Variants in DCP2 observed in about 807,000 individuals in gnomAD.
DCP2 encodes m7GpppN-mRNA hydrolase.
Under a neutral mutation model 56.1 loss-of-function variants are expected in DCP2, and 30 were observed. That is an observed-to-expected ratio of 0.53 (90% confidence interval 0.40 to 0.73). The LOEUF (loss-of-function observed/expected upper bound fraction) is 0.73, where lower values mean the gene tolerates loss of function less well. Among genes scored for constraint, DCP2 ranks in the 30% least tolerant of loss-of-function variants. The probability of loss-of-function intolerance (pLI) is 0.00; values close to 1 mark genes in which losing one functional copy is unlikely to be tolerated. For missense variants in DCP2, 533 were observed against 502.7 expected (o/e 1.06, Z -0.58); for synonymous variants, 197 against 163.3 (o/e 1.21, Z -1.57).
At chr5:112,980,494 C>G (rs1747951530) in intron 1 of DCP2, among the ~76,000 whole-genome samples, 1 of 152,200 alleles carries the variant, frequency 6.6e-6, no homozygotes, top group Admixed American at 6.5e-5. Flanking sequence ...TCGTGTGATG[C>G]AGTTTTTTCC....
At chr5:112,998,896 T>C (rs987622169) in intron 4 of DCP2, among the ~76,000 whole-genome samples, 2 of 152,234 alleles carry the variant, frequency 1.3e-5, no homozygotes, top group Non-Finnish European at 2.9e-5. Context: ...GAATGTAACA[T>C]TGATATGGTG....
intron 9 of DCP2, among the ~76,000 whole-genome samples, chr5:113,010,550 T>C (rs1231287278): frequency 9.9e-5 from 15 of 152,124 alleles, no homozygotes; most frequent in Admixed American, 9.2e-4. Flanking sequence ...TGTATGTATG[T>C]AATCAAGAAC....
At chr5:112,988,669 G>A (rs1469883295) in intron 2 of DCP2, among the ~76,000 whole-genome samples, 1 of 152,142 alleles carries the variant, frequency 6.6e-6, no homozygotes, top group Non-Finnish European at 1.5e-5. Flanking sequence ...TAAATGTGTA[G>A]AAGTTAATGA....
intron 7 of DCP2, among the ~76,000 whole-genome samples, chr5:113,002,149 A>T (rs1324089738): frequency 6.6e-6 from 1 of 152,160 alleles, no homozygotes; most frequent in African/African-American, 2.4e-5. Context: ...CCAGCAAGGG[A>T]CAGTGGCTCA....
chr5:113,000,420 A>ACACACACACACACACCCCCC (rs112449298), intron 4 of DCP2, among the ~76,000 whole-genome samples: 1 of 146,652 alleles, frequency 6.8e-6, no homozygotes, highest in Non-Finnish European at 1.5e-5. Context: ...ACACACACAC[A>ACACACACACACACACCCCCC]CACACCCACA....
At position 112,992,735 on chromosome 5, in the gene DCP2, A is replaced by G. The variant is rs750876090; in HGVS notation, c.397A>G (p.Lys133Glu). 1 of 1,592,234 alleles carries G rather than the reference A, an allele frequency of 6.3e-7. No individual in the cohort carries two copies. The highest frequency in any genetic ancestry group is 8.5e-7 in the Non-Finnish European group (1 of 1,174,552). The change falls in exon 4 of 11, where the codon AAA (lysine) becomes GAA (glutamate). Residue 133 changes from lysine (K) to glutamate (E), a missense_variant. Coordinates refer to ENST00000389063, the MANE Select transcript of DCP2 (RefSeq NM_152624.6). ...GWGFPKGKVN[K>E]EEAPHDCAAR... ...GGGATTTCCAAAAGGAAAAGTAAATAAAGAAGAAGCTCCTCATGATTGTGC... is the reference window on the plus strand; with the variant it reads ...GGGATTTCCAAAAGGAAAAGTAAATGAAGAAGAAGCTCCTCATGATTGTGC...
chr5:113,007,946 T>A lies in DCP2; in HGVS notation c.951T>A (p.Ser317Arg), dbSNP rs910677349. ...TCTTTTTGGGAAAACAGAATCAAAG[T>A]ATGAGGGGAAATGGCAGAAAACAGT... ...MSDLLKGKNQ[S>R]MRGNGRKQYQ... The change falls in exon 9 of 11, where the codon AGT becomes AGA. Residue 317 changes from serine (S) to arginine (R), a missense_variant. By Grantham distance (110) the Ser-to-Arg change is moderately radical. This residue lies in a region of DCP2 where 392 missense variants were observed against 346.6 expected (regional missense o/e 1.13). Coordinates refer to ENST00000389063, the MANE Select transcript of DCP2 (RefSeq NM_152624.6). 1 of 1,613,338 alleles carries A rather than the reference T, an allele frequency of 6.2e-7. No individual in the cohort carries two copies. Among genetic ancestry groups the A allele is most frequent in the Non-Finnish European group, 8.5e-7 (1 of 1,179,592 alleles).
intron 1 of DCP2, among the ~76,000 whole-genome samples, chr5:112,980,797 A>G (rs1409687496): frequency 6.6e-6 from 1 of 151,950 alleles, no homozygotes; most frequent in Non-Finnish European, 1.5e-5. Flanking sequence ...TGAGGCATTG[A>G]CTTTTACTTG....
chr5:112,991,034 C>A (rs1748563562), intron 2 of DCP2, among the ~76,000 whole-genome samples: 1 of 151,966 alleles, frequency 6.6e-6, no homozygotes, highest in African/African-American at 2.4e-5. Context: ...TGTCGTATGT[C>A]ATTTGATTGT....
intron 1 of DCP2, among the ~76,000 whole-genome samples, chr5:112,985,223 A>G (rs1236548967): frequency 6.6e-6 from 1 of 152,170 alleles, no homozygotes; most frequent in Admixed American, 6.5e-5. Flanking sequence ...ATATGTGTAC[A>G]TGCAATATTA....
chr5:112,986,275 G>A (rs181314909), intron 2 of DCP2, among the ~76,000 whole-genome samples: 1 of 151,922 alleles, frequency 6.6e-6, no homozygotes, highest in Non-Finnish European at 1.5e-5. Flanking sequence ...TACTCTTGCT[G>A]CTGCATGTAA....
At chr5:112,982,529 A>G (rs890554796) in intron 1 of DCP2, among the ~76,000 whole-genome samples, 10 of 152,202 alleles carry the variant, frequency 6.6e-5, no homozygotes, top group Non-Finnish European at 1.2e-4. Context: ...AATGTGTAAA[A>G]TACCTGTTTC....
At chr5:112,980,505 G>C (rs1445923800) in intron 1 of DCP2, among the ~76,000 whole-genome samples, 1 of 152,086 alleles carries the variant, frequency 6.6e-6, no homozygotes, top group Non-Finnish European at 1.5e-5. Context: ...AGTTTTTTCC[G>C]TAACAAATTG....
intron 4 of DCP2, among the ~76,000 whole-genome samples, chr5:112,995,943 C>T (rs1748826879): frequency 6.6e-6 from 1 of 152,168 alleles, no homozygotes; most frequent in African/African-American, 2.4e-5. Flanking sequence ...CACTTATACC[C>T]TTCTTGTGTA....
chr5:113,001,500 C>T (rs763563359), intron 6 of DCP2, 31 bp downstream of exon 6: 1 of 1,608,590 alleles, frequency 6.2e-7, no homozygotes, highest in South Asian at 1.1e-5. Flanking sequence ...ATGTAACTTT[C>T]ATGATTGGGA....
intron 1 of DCP2, among the ~76,000 whole-genome samples, chr5:112,982,963 C>G (rs1486651737): frequency 1.3e-5 from 2 of 152,142 alleles, no homozygotes; most frequent in Admixed American, 1.3e-4. Flanking sequence ...GGAGCTGGCT[C>G]TTACACTTGA....
In DCP2 at chr5:113,015,415, G is replaced by C. The variant is rs898098647; in HGVS notation, c.*1931G>C. On this transcript the variant is annotated 3_prime_UTR_variant, in exon 11 of 11. Transcript: ENST00000389063. The stretch of plus-strand genomic sequence containing the variant: ...TTGGCCAGTCTTCCTGGTGCCTGTA[G>C]AGTTGGATTTTTCAGCTCTCAATAC... 6.6e-6 allele frequency: 1 copy of C among 152,060 alleles called. No homozygotes were observed. Among genetic ancestry groups the C allele is most frequent in the Non-Finnish European group, 1.5e-5 (1 of 67,908 alleles). 9.4% of individuals were successfully genotyped at this position (152,060 alleles called of 1,614,324 possible).
At chr5:113,005,151 G>GGTGTGTGTGTGTGTGTGTGT (rs56389236) in intron 8 of DCP2, among the ~76,000 whole-genome samples, 3,029 of 149,472 alleles carry the variant, frequency 0.02, 46 homozygotes, top group African/African-American at 0.029. Flanking sequence ...TGTGCGTGTG[G>GGTGTGTGTGTGTGTGTGTGT]GTGTGTGTGT....
chr5:112,982,778 C>T (rs1330111722), intron 1 of DCP2, among the ~76,000 whole-genome samples: 1 of 152,190 alleles, frequency 6.6e-6, no homozygotes, highest in Non-Finnish European at 1.5e-5. Flanking sequence ...ACCCTCACTC[C>T]TGTTTTCTTC....
Sources: allele counts gnomAD v4.1 joint callset (sites outside exome capture counted in the v4.1 genomes callset), GRCh38; gene constraint gnomAD v4.1.1; regional missense constraint gnomAD v4.1.1; transcripts MANE v1.5; gene names NCBI Gene and HGNC (gene_info 2026-07-23, HGNC 2026-07-21).